The following NCAM2 variants were observed in gnomAD, a reference collection of about 807,000 sequenced individuals.
The protein encoded by NCAM2 is N-CAM-2.
Under a neutral mutation model 98.1 loss-of-function variants are expected in NCAM2, and 30 were observed. The ratio of observed to expected loss-of-function variants is 0.31; its 90% CI spans 0.23 to 0.41. The LOEUF is 0.41. Ranked by LOEUF, NCAM2 falls within the 10% of genes least tolerant of loss-of-function variation. The pLI, the probability that NCAM2 is intolerant of heterozygous loss-of-function variation, is 1.00. For synonymous variants in NCAM2, 368 were observed against 342.4 expected (o/e 1.07, Z -0.83); for missense variants, 867 against 1,005.8 (o/e 0.86, Z 1.87).
intron 1 of NCAM2, among the ~76,000 whole-genome samples, chr21:21,218,483 A>C (rs187983959): frequency 6.6e-6 from 1 of 152,326 alleles, no homozygotes; most frequent in Admixed American, 6.5e-5. Flanking sequence ...GTCAAAAAAT[A>C]ATTAAGATTG....
chr21:21,290,877 A>C (rs373734051), intron 4 of NCAM2, among the ~76,000 whole-genome samples: 27 of 151,928 alleles, frequency 1.8e-4, no homozygotes, highest in African/African-American at 6.5e-4. Context: ...TTTATGGCTC[A>C]CTCATGCAAA....
intron 1 of NCAM2, among the ~76,000 whole-genome samples, chr21:21,142,375 A>ATTT (rs1330206964): frequency 3.2e-4 from 12 of 37,762 alleles, no homozygotes; most frequent in African/African-American, 8.7e-4. Flanking sequence ...GTTTTTTTTT[A>ATTT]TGTTTTTTTT....
At chr21:21,232,131 A>G (rs2070653563) in intron 1 of NCAM2, among the ~76,000 whole-genome samples, 1 of 151,484 alleles carries the variant, frequency 6.6e-6, no homozygotes, top group Non-Finnish European at 1.5e-5. Flanking sequence ...ACTCATAGAG[A>G]GGATCAGAAG....
intron 10 of NCAM2, among the ~76,000 whole-genome samples, chr21:21,414,439 G>T (rs962376744): frequency 6.6e-6 from 1 of 150,998 alleles, no homozygotes; most frequent in African/African-American, 2.4e-5. Flanking sequence ...GGCAGCTGAA[G>T]CCTTAAATAT....
chr21:21,397,145 G>T (rs923446609), intron 9 of NCAM2, among the ~76,000 whole-genome samples: 1 of 152,134 alleles, frequency 6.6e-6, no homozygotes, highest in African/African-American at 2.4e-5. Context: ...GCTGAGTCGG[G>T]GTTTTATGGG....
At chr21:21,440,947 C>T (rs1979171214) in intron 12 of NCAM2, among the ~76,000 whole-genome samples, 1 of 152,124 alleles carries the variant, frequency 6.6e-6, no homozygotes, top group Admixed American at 6.6e-5. Flanking sequence ...AACAATCAAA[C>T]TCATTTGATT....
chr21:21,113,222 G>A (rs1169288250), intron 1 of NCAM2, among the ~76,000 whole-genome samples: 2 of 152,110 alleles, frequency 1.3e-5, no homozygotes, highest in African/African-American at 2.4e-5. Flanking sequence ...TGACCTTTGC[G>A]CTAGTAGGCA....
chr21:21,492,610 A>T (rs957581710), intron 15 of NCAM2, among the ~76,000 whole-genome samples: 1 of 151,746 alleles, frequency 6.6e-6, no homozygotes, highest in Non-Finnish European at 1.5e-5. Context: ...GTTGGTAGAG[A>T]TAGGTAATTT....
chr21:21,341,313 G>A (rs2075026957), intron 8 of NCAM2, among the ~76,000 whole-genome samples: 1 of 152,060 alleles, frequency 6.6e-6, no homozygotes, highest in African/African-American at 2.4e-5. Context: ...TCTTGAAGTT[G>A]ATTTAGTATA....
chr21:21,509,865 TTA>T (rs1171664515), intron 16 of NCAM2, among the ~76,000 whole-genome samples: 8 of 152,174 alleles, frequency 5.3e-5, no homozygotes, highest in Admixed American at 2.6e-4. Flanking sequence ...CGTTTGTGTG[TTA>T]TGTGTGGGTT....
intron 15 of NCAM2, among the ~76,000 whole-genome samples, chr21:21,485,216 AT>A (rs148987498): frequency 0.012 from 1,848 of 152,202 alleles, 16 homozygotes; most frequent in Middle Eastern, 0.027. Flanking sequence ...ACACCGATTA[AT>A]TTTTTTCATT....
chr21:21,372,291 G>T (rs969921836), intron 8 of NCAM2, among the ~76,000 whole-genome samples: 1 of 151,600 alleles, frequency 6.6e-6, no homozygotes, highest in African/African-American at 2.4e-5. Context: ...ATTTAAATAA[G>T]CAATTCTTAA....
At chr21:21,168,028 C>T (rs989859413) in intron 1 of NCAM2, among the ~76,000 whole-genome samples, 1 of 151,930 alleles carries the variant, frequency 6.6e-6, no homozygotes, top group Non-Finnish European at 1.5e-5. Flanking sequence ...TCCAACATAG[C>T]GCATAAACAT....
At chr21:21,192,549 A>G (rs1798029137) in intron 1 of NCAM2, among the ~76,000 whole-genome samples, 1 of 152,184 alleles carries the variant, frequency 6.6e-6, no homozygotes, top group Non-Finnish European at 1.5e-5. Context: ...TAGAGGCAAT[A>G]CAAATAAGCA....
At chr21:21,515,403 A>C (rs1347637389) in intron 16 of NCAM2, among the ~76,000 whole-genome samples, 1 of 152,128 alleles carries the variant, frequency 6.6e-6, no homozygotes, top group Admixed American at 6.6e-5. Flanking sequence ...CTAAACAATA[A>C]ATTTTTTAAA....
intron 1 of NCAM2, among the ~76,000 whole-genome samples, chr21:21,203,401 A>G (rs1476392359): frequency 6.6e-6 from 1 of 152,204 alleles, no homozygotes; most frequent in East Asian, 1.9e-4. Flanking sequence ...GAAAGCCTGT[A>G]AGTGTAAACC....
chr21:21,315,453 C>T (rs2074193293), intron 5 of NCAM2, among the ~76,000 whole-genome samples: 1 of 152,182 alleles, frequency 6.6e-6, no homozygotes, highest in Admixed American at 6.5e-5. Flanking sequence ...TCTGCCCCAA[C>T]TATGGCCTTA....
chr21:21,433,334 C>A (rs1054031690), intron 12 of NCAM2, among the ~76,000 whole-genome samples: 4 of 151,814 alleles, frequency 2.6e-5, no homozygotes, highest in Non-Finnish European at 5.9e-5. Context: ...AAAGACAGTG[C>A]CCCCCAAAAA....
chr21:21,147,176 A>G (rs1035706269), intron 1 of NCAM2: 6 of 985,164 alleles, frequency 6.1e-6, no homozygotes, highest in Middle Eastern at 5.2e-4. Flanking sequence ...CGGAGCTGGT[A>G]CCGCTGCCTT....
Sources: allele counts gnomAD v4.1 joint callset (sites outside exome capture counted in the v4.1 genomes callset), GRCh38; gene constraint gnomAD v4.1.1; transcripts MANE v1.5; gene names NCBI Gene and HGNC (gene_info 2026-07-23, HGNC 2026-07-21).